The following GLIS3 variants were observed in gnomAD, a reference collection of about 807,000 sequenced individuals.
GLIS3 encodes the protein GLIS family zinc finger 3, also known as zinc finger protein GLIS3.
In GLIS3, 53 loss-of-function variants were observed where a neutral mutation model predicts 78.6. The observed-to-expected ratio is 0.67, with a 90% CI of 0.54 to 0.85. The LOEUF (loss-of-function observed/expected upper bound fraction) is 0.85, where lower values mean the gene tolerates loss of function less well. Among genes scored for constraint, GLIS3 ranks in the 40% least tolerant of loss-of-function variants. The pLI, the probability that GLIS3 is intolerant of heterozygous loss-of-function variation, is 0.00. For missense variants in GLIS3, 1,703 were observed against 1,231.1 expected, an observed-to-expected ratio of 1.38 and a Z score of -5.74; for synonymous variants, 684 against 509.9, an observed-to-expected ratio of 1.34 and a Z score of -4.60.
At chr9:4,330,258 C>T (rs945285666) in intron 2 of GLIS3, among the ~76,000 whole-genome samples, 1 of 152,196 alleles carries the variant, frequency 6.6e-6, no homozygotes, top group African/African-American at 2.4e-5. Flanking sequence ...AAATTGTTCC[C>T]ATACTTTGGT....
intron 4 of GLIS3, among the ~76,000 whole-genome samples, chr9:3,959,828 T>C (rs1817423637): frequency 1.3e-5 from 2 of 152,222 alleles, no homozygotes; most frequent in African/African-American, 4.8e-5. Context: ...GGGTGGATCC[T>C]AATCCAATAT....
chr9:4,453,836 G>T, the GLIS3 span, among the ~76,000 whole-genome samples: 1 of 151,902 alleles, frequency 6.6e-6, no homozygotes, highest in Non-Finnish European at 1.5e-5. Flanking sequence ...CATCACACAC[G>T]GGGGCTTGTC....
intron 2 of GLIS3, among the ~76,000 whole-genome samples, chr9:4,328,765 T>G (rs1817639269): frequency 6.6e-6 from 1 of 152,186 alleles, no homozygotes; most frequent in Admixed American, 6.5e-5. Context: ...ACATAATCTC[T>G]CTGCCATACC....
intron 4 of GLIS3, among the ~76,000 whole-genome samples, chr9:4,092,105 T>A (rs1216015839): frequency 1.3e-5 from 2 of 151,928 alleles, no homozygotes; most frequent in East Asian, 1.9e-4. Context: ...CTATTAAAAA[T>A]TTTTCTTTCT....
chr9:3,898,046 A>T (rs1234015240), intron 7 of GLIS3, among the ~76,000 whole-genome samples: 1 of 152,248 alleles, frequency 6.6e-6, no homozygotes, highest in East Asian at 1.9e-4. Flanking sequence ...AGAGAGTAGA[A>T]AATGCATAAA....
At chr9:4,060,031 T>G (rs74651275) in intron 4 of GLIS3, among the ~76,000 whole-genome samples, 7 of 152,182 alleles carry the variant, frequency 4.6e-5, no homozygotes, top group Non-Finnish European at 8.8e-5. Flanking sequence ...TCCGAATGCA[T>G]CCTTCCTCCT....
At chr9:4,141,884 T>A (rs1178400413) in intron 2 of GLIS3, among the ~76,000 whole-genome samples, 1 of 152,212 alleles carries the variant, frequency 6.6e-6, no homozygotes, top group Non-Finnish European at 1.5e-5. Flanking sequence ...TCCCTTCTGT[T>A]TCTTTTATTT....
intron 4 of GLIS3, chr9:4,305,719 G>A (rs1457225299): frequency 1.3e-5 from 2 of 150,454 alleles, no homozygotes; most frequent in Admixed American, 1.3e-4. Flanking sequence ...TCTTTCTAGA[G>A]AGCCACTGGA....
chr9:4,034,148 G>C (rs886082038), intron 4 of GLIS3, among the ~76,000 whole-genome samples: 2 of 151,960 alleles, frequency 1.3e-5, no homozygotes, highest in African/African-American at 4.8e-5. Context: ...AGGATTGCTT[G>C]AGCCCAGGAG....
At chr9:4,331,808 G>A (rs981278542) in intron 2 of GLIS3, among the ~76,000 whole-genome samples, 15 of 152,344 alleles carry the variant, frequency 9.8e-5, no homozygotes, top group Middle Eastern at 6.8e-3. Flanking sequence ...GGTGGGAAGA[G>A]AGACATTGGG....
At chr9:4,159,033 G>GAAAAAAAAAAAAAAAAA (rs1315271767) in intron 2 of GLIS3, among the ~76,000 whole-genome samples, 14 of 87,648 alleles carry the variant, frequency 1.6e-4, no homozygotes, top group African/African-American at 5.7e-4. Context: ...AGGAGAAGAA[G>GAAAAAAAAAAAAAAAAA]AAAAAAAAAA....
intron 6 of GLIS3, among the ~76,000 whole-genome samples, chr9:3,904,935 A>ACACTG (rs1823556100): frequency 6.6e-6 from 1 of 151,424 alleles, no homozygotes; most frequent in South Asian, 2.1e-4. Flanking sequence ...ACACCACACT[A>ACACTG]CACTGCACAG....
chr9:4,359,420 T>C, the GLIS3 span, among the ~76,000 whole-genome samples: 1 of 152,334 alleles, frequency 6.6e-6, no homozygotes, highest in South Asian at 2.1e-4. Context: ...GACAGGCTTC[T>C]GCATGCTATT....
chr9:4,094,879 T>C (rs994135808), intron 4 of GLIS3, among the ~76,000 whole-genome samples: 3 of 150,644 alleles, frequency 2.0e-5, no homozygotes, highest in African/African-American at 7.3e-5. Context: ...AATGAAGTAT[T>C]TTTAATTGCT....
chr9:4,175,430 T>C (rs928514659), intron 2 of GLIS3, among the ~76,000 whole-genome samples: 12 of 152,110 alleles, frequency 7.9e-5, no homozygotes, highest in Admixed American at 6.6e-5. Flanking sequence ...TGCTAGGCCT[T>C]CTCCTAGTCA....
the GLIS3 span, among the ~76,000 whole-genome samples, chr9:4,403,258 C>T: frequency 6.6e-5 from 10 of 152,006 alleles, no homozygotes; most frequent in Non-Finnish European, 1.3e-4. Flanking sequence ...TCCAGACAAA[C>T]AAAAGCTGAG....
intron 7 of GLIS3, among the ~76,000 whole-genome samples, chr9:3,892,346 A>G (rs1172338051): frequency 6.6e-6 from 1 of 152,198 alleles, no homozygotes; most frequent in East Asian, 1.9e-4. Context: ...TGCCTGCTGT[A>G]AAGGCAGTGT....
intron 8 of GLIS3, among the ~76,000 whole-genome samples, chr9:3,868,100 T>C (rs191040036): frequency 1.3e-5 from 2 of 152,354 alleles, no homozygotes; most frequent in African/African-American, 2.4e-5. Context: ...ATGATCAAGA[T>C]TGACAAACTT....
intron 9 of GLIS3, among the ~76,000 whole-genome samples, chr9:3,846,253 A>G (rs1819031444): frequency 6.6e-6 from 1 of 152,166 alleles, no homozygotes; most frequent in South Asian, 2.1e-4. Context: ...AAATTTCCAT[A>G]ATACTGTATC....
Sources: gnomAD v4.1 joint callset for allele counts (sites outside exome capture counted in the v4.1 genomes callset) on GRCh38, gnomAD v4.1.1 for gene constraint, MANE v1.5 for transcripts, NCBI Gene and HGNC (gene_info 2026-07-23, HGNC 2026-07-21) for gene names.